TP53BP1: variants seen among roughly 807,000 people sequenced by gnomAD.
The protein encoded by TP53BP1 is tumor protein p53 binding protein 1.
In TP53BP1, 61 loss-of-function variants were observed where a neutral mutation model predicts 200.8. The observed-to-expected ratio is 0.30, with a 90% CI of 0.25 to 0.38. The LOEUF (loss-of-function observed/expected upper bound fraction) is 0.38. TP53BP1 is among the 10% of genes least tolerant of loss of function. The pLI is 1.00. For synonymous variants in TP53BP1, 822 were observed against 844.3 expected (o/e 0.97, Z 0.46); for missense variants, 2,144 against 2,371.9 (o/e 0.90, Z 2.00).
Position 43,438,289 on chromosome 15 carries a change from T to C in TP53BP1, c.3191+35A>G, listed in dbSNP as rs544156780. Reference sequence around the variant, plus strand: ...GGGCACTAACCATTTTGTGAACCAATGGAGCCCAAAAGATTCTATAAAAAT... The same window carrying C: ...GGGCACTAACCATTTTGTGAACCAACGGAGCCCAAAAGATTCTATAAAAAT... On this transcript the variant is annotated intron_variant, in intron 16 of 27. Transcript: ENST00000382044. 3.8e-6 allele frequency: 6 copies of C among 1,588,814 alleles called. No homozygotes were observed. In the African/African-American group the frequency reaches 5.4e-5, roughly 14 times the overall value.
At chr15:43,413,361 A>G in intron 23 of TP53BP1, 27 bp from the exon 24 acceptor site, 2 of 1,595,278 alleles carry the variant, frequency 1.3e-6, no homozygotes, top group East Asian at 2.2e-5. Flanking sequence ...CACAGTTACT[A>G]GAGGGATACA....
chr15:43,508,449 G>A (rs1004710564), intron 1 of TP53BP1, among the ~76,000 whole-genome samples: 2 of 152,210 alleles, frequency 1.3e-5, no homozygotes, highest in Non-Finnish European at 2.9e-5. Flanking sequence ...CTTGAGGCCA[G>A]GAGTTTGGGA....
intron 24 of TP53BP1, among the ~76,000 whole-genome samples, chr15:43,410,018 G>A (rs1417337604): frequency 6.6e-6 from 1 of 152,150 alleles, no homozygotes; most frequent in Admixed American, 6.5e-5. Context: ...CCGGACCGTT[G>A]ATAGGGATGG....
rs377560057 is a variant in TP53BP1 at position 43,439,973 on chromosome 15, C to T, written c.3098+1553G>A. 1.2e-4 allele frequency among the ~76,000 whole-genome samples: 19 copies of T among 152,236 alleles called. No homozygotes were observed. The South Asian group carries it at 1.7e-3, about 13-fold the overall frequency. On this transcript the variant is annotated intron_variant, in intron 15 of 27. Coordinates refer to ENST00000382044, the MANE Select transcript of TP53BP1 (RefSeq NM_001141980.3). ...GATCTTCAAATGAAAAAGGACTCTA[C>T]GGTACTTATGTTTCAGATTAAATAT...
At chr15:43,442,077 T>C (rs982357784) in intron 14 of TP53BP1, among the ~76,000 whole-genome samples, 3 of 151,398 alleles carry the variant, frequency 2.0e-5, no homozygotes, top group Non-Finnish European at 4.4e-5. Context: ...GCCAGATTTG[T>C]TTTAATTTTT....
rs942855454 is a variant in TP53BP1 at position 43,405,514 on chromosome 15, T to C, written c.*1869A>G. The C allele has an allele frequency of 6.7e-5, 29 of 433,202 alleles. No individual in the cohort carries two copies. The Middle Eastern group carries it at 1.6e-3, about 24-fold the overall frequency. 26.8% of individuals were successfully genotyped at this position (433,202 alleles called of 1,614,324 possible). ...ATTTATTGAGCACCTACTACGTACC[T>C]TGGTACTGTTCAAGCTGTGGGAGAT... On this transcript the variant is annotated 3_prime_UTR_variant, in exon 28 of 28. Coordinates refer to ENST00000382044, the MANE Select transcript of TP53BP1 (RefSeq NM_001141980.3).
intron 26 of TP53BP1, 60 bp from the exon 27 acceptor site, chr15:43,408,148 C>G (rs2044981141): frequency 3.2e-6 from 5 of 1,540,238 alleles, no homozygotes. Context: ...AACTGCCTTT[C>G]TGCAAAGGGA....
intron 11 of TP53BP1, among the ~76,000 whole-genome samples, chr15:43,467,381 A>G (rs2046610697): frequency 6.6e-6 from 1 of 152,098 alleles, no homozygotes; most frequent in Non-Finnish European, 1.5e-5. Flanking sequence ...GGTATTCTTG[A>G]GAGACTTTTC....
At chr15:43,481,055 C>A in intron 4 of TP53BP1, 33 bp from the exon 5 acceptor site, 1 of 1,613,500 alleles carries the variant, frequency 6.2e-7, no homozygotes, top group South Asian at 1.1e-5. Flanking sequence ...CATGTGTTCC[C>A]AGATAGTTTG....
chr15:43,472,135 T>A (rs985838102), intron 10 of TP53BP1, among the ~76,000 whole-genome samples: 3 of 152,256 alleles, frequency 2.0e-5, no homozygotes, highest in Non-Finnish European at 4.4e-5. Flanking sequence ...GGCAGCTGCC[T>A]GAGTTCAAAT....
chr15:43,447,006 A>G lies in TP53BP1; in HGVS notation c.2836+360T>C, dbSNP rs559580175. 2.0e-5 allele frequency: 10 copies of G among 510,278 alleles called. No homozygotes were observed. The East Asian group carries it at 5.8e-4, about 29-fold the overall frequency. 31.6% of individuals were successfully genotyped at this position (510,278 alleles called of 1,614,324 possible). A position where few individuals can be genotyped will look rare whatever the true frequency, so the allele number is the denominator to read the frequency against. On this transcript the variant is annotated intron_variant, in intron 13 of 27. Transcript: ENST00000382044. The stretch of plus-strand genomic sequence containing the variant: ...TCTTGCCCTGTCAAGCAGCAGACTG[A>G]CTAATTAGCCAAGGTACTGAATAAA...
intron 4 of TP53BP1, among the ~76,000 whole-genome samples, chr15:43,488,622 G>A (rs915731842): frequency 6.6e-6 from 1 of 152,168 alleles, no homozygotes; most frequent in Non-Finnish European, 1.5e-5. Flanking sequence ...GGCCAGGCAA[G>A]GTGGTTCACA....
At chr15:43,493,238 GGTAGCTGC>G, upstream of TP53BP1, 1 of 1,455,642 alleles carries the variant, frequency 6.9e-7, no homozygotes, top group Non-Finnish European at 9.1e-7. Flanking sequence ...GTGGATGATA[GGTAGCTGC>G]GGCAGAGTGC....
chr15:43,501,675 T>C (rs2079210085), intron 1 of TP53BP1, among the ~76,000 whole-genome samples: 1 of 152,214 alleles, frequency 6.6e-6, no homozygotes, highest in South Asian at 2.1e-4. Context: ...CATAGATTAA[T>C]TTTACCTGTA....
Position 43,428,035 on chromosome 15 carries a change from A to G in TP53BP1, c.3809T>C (p.Val1270Ala). 1 of 1,608,176 alleles carries G rather than the reference A, an allele frequency of 6.2e-7. No homozygotes were observed. Among genetic ancestry groups the G allele is most frequent in the Non-Finnish European group, 8.5e-7 (1 of 1,176,372 alleles). Residue 1270 changes from valine (V) to alanine (A), a missense_variant, in exon 18 of 28, where the codon GTA (valine) becomes GCA (alanine). By Grantham distance (64) the Val-to-Ala change is moderately conservative. Coordinates refer to ENST00000382044, the MANE Select transcript of TP53BP1 (RefSeq NM_001141980.3). ...TATTACCTCAGTTACTTTTCTTTCT[A>G]CTTCTGTTCCATCCACATAATACAC... is the stretch of plus-strand genomic sequence containing the variant. ...TDVYYVDGTE[V>A]ERKVTEETEE...
In TP53BP1 at chr15:43,403,697, GAATGA is replaced by G; in HGVS notation, c.*3681_*3685del. 6.2e-7 allele frequency: 1 copy of G among 1,612,470 alleles called. No homozygotes were observed. Among genetic ancestry groups the G allele is most frequent in the Non-Finnish European group, 8.5e-7 (1 of 1,179,720 alleles). On this transcript the variant is annotated 3_prime_UTR_variant, in exon 28 of 28. Transcript: ENST00000382044. ...TTCCCGGGTAGGTGTTTCACTGCCT[GAATGA>G]AATCCTAGATCTCTGTCACAGTTTT...
At chr15:43,490,480 TC>T (rs938950255) in intron 4 of TP53BP1, among the ~76,000 whole-genome samples, 4 of 151,972 alleles carry the variant, frequency 2.6e-5, no homozygotes, top group Non-Finnish European at 5.9e-5. Flanking sequence ...TGTCTGAGCC[TC>T]CTAAAGTGCT....
intron 18 of TP53BP1, among the ~76,000 whole-genome samples, chr15:43,422,992 T>TCAA (rs967213188): frequency 1.5e-4 from 22 of 150,918 alleles, no homozygotes; most frequent in South Asian, 2.1e-4. Context: ...AGACCCTGTC[T>TCAA]CAACAACAAC....
At chr15:43,430,124 A>G (rs2045636316) in intron 17 of TP53BP1, among the ~76,000 whole-genome samples, 1 of 152,226 alleles carries the variant, frequency 6.6e-6, no homozygotes, top group South Asian at 2.1e-4. Flanking sequence ...TGATGATCTT[A>G]CCACCATTAA....
Sources: allele counts gnomAD v4.1 joint callset (sites outside exome capture counted in the v4.1 genomes callset), GRCh38; gene constraint gnomAD v4.1.1; transcripts MANE v1.5; gene names NCBI Gene and HGNC (gene_info 2026-07-23, HGNC 2026-07-21).